Variants in ERLIN1 observed in about 807,000 individuals in gnomAD.
ERLIN1 encodes ER lipid raft associated 1, also known as erlin-1.
ERLIN1 carries 24 observed loss-of-function variants against 46.9 expected under a neutral mutation model. The ratio of observed to expected loss-of-function variants is 0.51; its 90% CI spans 0.37 to 0.72. ERLIN1 has a LOEUF of 0.72. ERLIN1 is among the 30% of genes least tolerant of loss of function. The pLI is 0.00. For synonymous variants in ERLIN1, 158 were observed against 143.2 expected, an observed-to-expected ratio of 1.10 and a Z score of -0.74; for missense variants, 293 against 417.9, an observed-to-expected ratio of 0.70 and a Z score of 2.61.
intron 9 of ERLIN1, 84 bp downstream of exon 9, chr10:100,156,061 C>A (rs1396564662): frequency 2.5e-6 from 2 of 814,108 alleles, no homozygotes; most frequent in Non-Finnish European, 4.2e-6. Flanking sequence ...GCCTTCTCAC[C>A]CACCACAATC....
chr10:100,159,241 C>T (rs183091541), intron 8 of ERLIN1, among the ~76,000 whole-genome samples: 1 of 152,142 alleles, frequency 6.6e-6, no homozygotes, highest in East Asian at 1.9e-4. Context: ...ATATAACAAT[C>T]CTGAACCTGA....
At chr10:100,173,823 T>C (rs1844140858) in intron 6 of ERLIN1, among the ~76,000 whole-genome samples, 1 of 152,240 alleles carries the variant, frequency 6.6e-6, no homozygotes, top group African/African-American at 2.4e-5. Context: ...TGTCAATTAA[T>C]ACTTTGTGAT....
intron 2 of ERLIN1, among the ~76,000 whole-genome samples, 156 bp downstream of exon 2, chr10:100,183,600 G>C (rs1161416482): frequency 6.6e-6 from 1 of 152,082 alleles, no homozygotes; most frequent in Non-Finnish European, 1.5e-5. Context: ...ATCATAACTT[G>C]TGTTGTAACA....
intron 4 of ERLIN1, among the ~76,000 whole-genome samples, chr10:100,177,648 G>T (rs1247334805): frequency 1.3e-5 from 2 of 152,130 alleles, no homozygotes; most frequent in Non-Finnish European, 2.9e-5. Flanking sequence ...TTAAGTTTTT[G>T]ATTACAACAG....
At position 100,160,286 on chromosome 10, in the gene ERLIN1, C is replaced by T. The variant is rs141862030; in HGVS notation, c.655+3718G>A. 1.3e-3 allele frequency among the ~76,000 whole-genome samples: 194 copies of T among 152,178 alleles called. No homozygotes were observed. In the East Asian group the frequency reaches 0.014, roughly 11 times the overall value. The stretch of plus-strand genomic sequence containing the variant: ...AGCAAATGAAAAAAAGCAGAAACCT[C>T]ACAAGACTAAGATGGCTTTTACGAG... On this transcript the variant is annotated intron_variant, in intron 8 of 10. Coordinates refer to ENST00000421367, the MANE Select transcript of ERLIN1 (RefSeq NM_006459.4).
intron 6 of ERLIN1, among the ~76,000 whole-genome samples, chr10:100,172,311 T>C (rs989911780): frequency 2.6e-5 from 4 of 152,232 alleles, no homozygotes; most frequent in African/African-American, 9.6e-5. Flanking sequence ...CATTTGTTCA[T>C]ATACATTAAG....
intron 6 of ERLIN1, 65 bp from the exon 7 acceptor site, chr10:100,167,471 A>G (rs1843710354): frequency 7.4e-7 from 1 of 1,344,576 alleles, no homozygotes; most frequent in East Asian, 2.3e-5. Flanking sequence ...TAAATCTTCT[A>G]CAGAAAAGCC....
intron 10 of ERLIN1, among the ~76,000 whole-genome samples, chr10:100,152,810 C>T (rs2134094384): frequency 6.6e-6 from 1 of 152,228 alleles, no homozygotes; most frequent in African/African-American, 2.4e-5. Context: ...CCTACCTTGG[C>T]CTCCCAAAGT....
At chr10:100,182,449 C>T (rs1290995976) in intron 2 of ERLIN1, among the ~76,000 whole-genome samples, 1 of 152,128 alleles carries the variant, frequency 6.6e-6, no homozygotes, top group Non-Finnish European at 1.5e-5. Context: ...TAACTGAAGT[C>T]TATGACAGTT....
chr10:100,159,137 T>C (rs1310696138), intron 8 of ERLIN1, among the ~76,000 whole-genome samples: 6 of 152,076 alleles, frequency 3.9e-5, no homozygotes, highest in African/African-American at 1.4e-4. Flanking sequence ...AAGAAAAATC[T>C]GGTATAGCTA....
At chr10:100,179,438 A>G (rs1844505351) in intron 2 of ERLIN1, among the ~76,000 whole-genome samples, 191 bp from the exon 3 acceptor site, 1 of 151,980 alleles carries the variant, frequency 6.6e-6, no homozygotes, top group Admixed American at 6.6e-5. Flanking sequence ...AAGACTTGAG[A>G]CAGAAAATAT....
chr10:100,165,560 G>C (rs181853341), intron 7 of ERLIN1, among the ~76,000 whole-genome samples: 45 of 151,118 alleles, frequency 3.0e-4, no homozygotes, highest in African/African-American at 1.1e-3. Context: ...CTAATTTTTT[G>C]TATTTTTAGT....
intron 7 of ERLIN1, among the ~76,000 whole-genome samples, chr10:100,166,862 G>A (rs1449144800): frequency 6.6e-6 from 1 of 152,186 alleles, no homozygotes; most frequent in African/African-American, 2.4e-5. Context: ...GTCAACAGAA[G>A]CAAGGCTTCC....
chr10:100,157,552 G>C (rs901940439), intron 8 of ERLIN1, among the ~76,000 whole-genome samples: 3 of 152,128 alleles, frequency 2.0e-5, no homozygotes, highest in Non-Finnish European at 2.9e-5. Context: ...GTACATAATG[G>C]AAAGAAAACT....
At chr10:100,163,931 C>T in intron 8 of ERLIN1, 73 bp downstream of exon 8, 1 of 985,898 alleles carries the variant, frequency 1.0e-6, no homozygotes, top group Non-Finnish European at 1.6e-6. Context: ...CCCATGATAC[C>T]CAAAATGAGA....
intron 6 of ERLIN1, among the ~76,000 whole-genome samples, chr10:100,172,800 T>C (rs771656663): frequency 6.4e-4 from 97 of 152,240 alleles, no homozygotes; most frequent in Admixed American, 1.2e-3. Flanking sequence ...ATTACACTAT[T>C]GTTTAATAGC....
At chr10:100,179,347 C>T in intron 2 of ERLIN1, 100 bp from the exon 3 acceptor site, 2 of 699,740 alleles carry the variant, frequency 2.9e-6, no homozygotes, top group Non-Finnish European at 5.0e-6. Context: ...ACAGTAAGTA[C>T]AGCAGAGATC....
At chr10:100,185,479 C>T in intron 1 of ERLIN1, 35 bp downstream of exon 1, 2 of 1,508,328 alleles carry the variant, frequency 1.3e-6, no homozygotes, top group East Asian at 2.3e-5. Context: ...TTTTAATCTG[C>T]TCTAGAGCCC....
intron 9 of ERLIN1, among the ~76,000 whole-genome samples, 181 bp from the exon 10 acceptor site, chr10:100,155,120 C>G (rs1843003478): frequency 6.6e-6 from 1 of 152,312 alleles, no homozygotes; most frequent in Middle Eastern, 3.4e-3. Flanking sequence ...TTTTCACTGT[C>G]AAATAACTCT....
Sources: allele counts gnomAD v4.1 joint callset (sites outside exome capture counted in the v4.1 genomes callset), GRCh38; gene constraint gnomAD v4.1.1; transcripts MANE v1.5; gene names NCBI Gene and HGNC (gene_info 2026-07-23, HGNC 2026-07-21).